Variants in SMC4 observed in about 807,000 individuals in gnomAD.
The protein encoded by SMC4 is structural maintenance of chromosomes 4.
A neutral mutation model predicts 145.6 loss-of-function variants in SMC4; 87 were observed. The observed-to-expected ratio is 0.60, with a 90% CI of 0.50 to 0.71. The LOEUF is 0.71. Among genes scored for constraint, SMC4 ranks in the 30% least tolerant of loss-of-function variants. SMC4 has a pLI of 0.00. For missense variants in SMC4, 1,447 were observed against 1,537.1 expected, an observed-to-expected ratio of 0.94 and a Z score of 0.98; for synonymous variants, 558 against 500.7, an observed-to-expected ratio of 1.11 and a Z score of -1.53.
chr3:160,402,533 T>A, intron 3 of SMC4, 143 bp from the exon 4 acceptor site: 1 of 739,754 alleles, frequency 1.4e-6, no homozygotes, highest in Non-Finnish European at 2.2e-6. Context: ...TCAAGTCGTA[T>A]GCCTGTGATT....
At chr3:160,406,867 T>C (rs1715389311) in intron 5 of SMC4, among the ~76,000 whole-genome samples, 1 of 152,244 alleles carries the variant, frequency 6.6e-6, no homozygotes, top group Admixed American at 6.5e-5. Context: ...AATATTAAGA[T>C]GGCTAAACCT....
chr3:160,431,431 C>T (rs902215511), intron 20 of SMC4, among the ~76,000 whole-genome samples: 3 of 152,134 alleles, frequency 2.0e-5, no homozygotes, highest in African/African-American at 7.2e-5. Context: ...TACCCTTTCA[C>T]CCTAGGGCTG....
At chr3:160,413,340 C>G in intron 7 of SMC4, 133 bp from the exon 8 acceptor site, 4 of 845,730 alleles carry the variant, frequency 4.7e-6, no homozygotes, top group Non-Finnish European at 6.9e-6. Context: ...ATTTTCCCCT[C>G]ATAGCCTAGG....
Position 160,434,028 on chromosome 3 carries a change from G to GA in SMC4, c.*224dup. ...AATCTTGTAAGTAGCAGACTATGGA[G>GA]AAAAATGAGTTACCTGGAGGGTCAG... On this transcript the variant is annotated 3_prime_UTR_variant, in exon 24 of 24. Coordinates refer to ENST00000357388, the MANE Select transcript of SMC4 (RefSeq NM_001002800.3). 2.8e-6 allele frequency: 1 copy of GA among 357,808 alleles called. No individual in the cohort carries two copies. Among genetic ancestry groups the GA allele is most frequent in the Non-Finnish European group, 5.0e-6 (1 of 199,990 alleles). The allele number at this position is 357,808 out of a possible 1,614,324, so 22.2% of individuals were successfully genotyped here.
chr3:160,414,129 A>T, intron 8 of SMC4: 1 of 521,534 alleles, frequency 1.9e-6, no homozygotes, highest in South Asian at 1.6e-5. Flanking sequence ...CATTGTAGTC[A>T]CTGGAAAATG....
chr3:160,401,471 G>A (rs1714648103), intron 2 of SMC4, among the ~76,000 whole-genome samples: 1 of 152,122 alleles, frequency 6.6e-6, no homozygotes, highest in African/African-American at 2.4e-5. Flanking sequence ...TTAAACCCTC[G>A]TGGCAGTGTC....
intron 5 of SMC4, among the ~76,000 whole-genome samples, chr3:160,407,463 G>A (rs1715461410): frequency 2.6e-5 from 4 of 152,094 alleles, no homozygotes; most frequent in Admixed American, 2.6e-4. Flanking sequence ...TGAGGTGGGA[G>A]GACTGCTTAA....
chr3:160,419,319 A>C (rs1439697270), intron 11 of SMC4, 39 bp from the exon 12 acceptor site: 4 of 1,371,364 alleles, frequency 2.9e-6, no homozygotes, highest in Non-Finnish European at 4.0e-6. Context: ...CATATTTAGA[A>C]GTTAATGCTT....
chr3:160,428,519 A>AT (rs1718038158), intron 17 of SMC4, among the ~76,000 whole-genome samples: 1 of 152,240 alleles, frequency 6.6e-6, no homozygotes, highest in South Asian at 2.1e-4. Context: ...ACATGAAGCC[A>AT]TTAAGAAATG....
chr3:160,412,132 G>A, intron 6 of SMC4, 48 bp downstream of exon 6: 2 of 1,570,424 alleles, frequency 1.3e-6, no homozygotes, highest in South Asian at 1.2e-5. Flanking sequence ...TTTCATTTAT[G>A]ATCTAACAAA....
intron 17 of SMC4, among the ~76,000 whole-genome samples, chr3:160,426,705 G>A (rs1437727050): frequency 6.6e-6 from 1 of 152,152 alleles, no homozygotes; most frequent in Non-Finnish European, 1.5e-5. Flanking sequence ...GGAATTCACA[G>A]GCAGAATTGG....
chr3:160,423,962 G>A lies in SMC4; in HGVS notation c.2325+122G>A, dbSNP rs183651666. ...GTGTACTCAAATTTTAATAGATGGC[G>A]TTTTCTATAAATGACTAGGGATTTT... On this transcript the variant is annotated intron_variant, in intron 15 of 23. Transcript: ENST00000357388. The A allele has an allele frequency of 4.4e-4, 257 of 583,566 alleles. 1 individual carries two copies. The highest frequency in any genetic ancestry group is 3.9e-3 in the African/African-American group (203 of 52,428). 36.1% of individuals were successfully genotyped at this position (583,566 alleles called of 1,614,324 possible). A position where few individuals can be genotyped will look rare whatever the true frequency, so the allele number is the denominator to read the frequency against.
Position 160,414,430 on chromosome 3 carries a change from G to A in SMC4, c.1185G>A (p.Leu395=), listed in dbSNP as rs760303013. The A allele has an allele frequency of 6.0e-5, 96 of 1,609,942 alleles. No homozygotes were observed. The highest frequency in any genetic ancestry group is 1.2e-4 in the Admixed American group (7 of 59,462). ...AAGAAAAATTTACACAGCTAGATTT[G>A]GAAGATGTTCAAGTTAGAGAAAAGT... ...ENKEKFTQLD[L]EDVQVREKLK... The change falls in exon 9 of 24, where the codon TTG becomes TTA. Residue 395 remains leucine, a synonymous_variant. Coordinates refer to ENST00000357388, the MANE Select transcript of SMC4 (RefSeq NM_001002800.3).
chr3:160,409,803 A>C (rs565922757), intron 5 of SMC4, among the ~76,000 whole-genome samples: 2 of 152,338 alleles, frequency 1.3e-5, no homozygotes, highest in East Asian at 3.9e-4. Context: ...ATGGTGGGTC[A>C]TGCCCTTAAT....
Position 160,419,440 on chromosome 3 carries a change from A to C in SMC4, c.1754A>C (p.Glu585Ala), listed in dbSNP as rs937895824. The change falls in exon 12 of 24, where the codon GAA becomes GCA. Residue 585 changes from glutamate to alanine, a missense_variant. Transcript: ENST00000357388. ...LVHDLFQKVE[E>A]AKSSLAMNRS... ...CATGATCTCTTTCAAAAAGTTGAAG[A>C]AGCAAAGAGCTCATTAGCAATGAAT... 2 of 1,612,544 alleles carry C rather than the reference A, an allele frequency of 1.2e-6. No individual in the cohort carries two copies. The highest frequency in any genetic ancestry group is 2.7e-5 in the African/African-American group (2 of 74,828).
chr3:160,410,560 A>T (rs536772249), intron 5 of SMC4, among the ~76,000 whole-genome samples: 1 of 152,350 alleles, frequency 6.6e-6, no homozygotes, highest in East Asian at 1.9e-4. Flanking sequence ...ATTCATACAT[A>T]ATATAATGAA....
In SMC4 at chr3:160,431,733, C is replaced by T. The variant is rs759957293; in HGVS notation, c.3205C>T (p.Pro1069Ser). The change falls in exon 21 of 24, where the codon CCA becomes TCA. Residue 1069 changes from proline to serine, a missense_variant. Transcript: ENST00000357388. ...SPEDLEAIKNPDSITNQIALL... is the reference protein window; with the variant it reads ...SPEDLEAIKNSDSITNQIALL... Reference sequence around the variant, plus strand: ...AGAGGATCTTGAAGCGATCAAGAATCCAGATTCTATAACAAATCAAATTGC... The same window carrying T: ...AGAGGATCTTGAAGCGATCAAGAATTCAGATTCTATAACAAATCAAATTGC... 1.9e-5 allele frequency: 31 copies of T among 1,613,774 alleles called. No individual in the cohort carries two copies. The highest frequency in any genetic ancestry group is 2.5e-5 in the Non-Finnish European group (29 of 1,179,948).
At chr3:160,423,342 C>G (rs942642465) in intron 13 of SMC4, 83 bp from the exon 14 acceptor site, 5 of 968,416 alleles carry the variant, frequency 5.2e-6, no homozygotes, top group South Asian at 1.7e-5. Flanking sequence ...TGAATTTATT[C>G]CTATGGGTTT....
intron 22 of SMC4, 180 bp from the exon 23 acceptor site, chr3:160,432,846 C>T (rs1718557431): frequency 1.7e-6 from 1 of 582,122 alleles, no homozygotes; most frequent in Non-Finnish European, 3.0e-6. Context: ...GGTATGTGCT[C>T]CTATGTATGC....
Sources: allele counts gnomAD v4.1 joint callset (sites outside exome capture counted in the v4.1 genomes callset), GRCh38; gene constraint gnomAD v4.1.1; transcripts MANE v1.5; gene names NCBI Gene and HGNC (gene_info 2026-07-23, HGNC 2026-07-21).